Variants in GABPB2 observed in about 807,000 individuals in gnomAD.
The protein encoded by GABPB2 is GA-binding protein subunit beta-2.
A neutral mutation model predicts 39.1 loss-of-function variants in GABPB2; 23 were observed. The ratio of observed to expected loss-of-function variants is 0.59; its 90% confidence interval spans 0.42 to 0.83. The LOEUF is 0.83. GABPB2 is among the 40% of genes least tolerant of loss of function. GABPB2 has a pLI of 0.00. For synonymous variants in GABPB2, 184 were observed against 199.3 expected, an observed-to-expected ratio of 0.92 and a Z score of 0.65; for missense variants, 467 against 541.1, an observed-to-expected ratio of 0.86 and a Z score of 1.36.
chr1:151,087,553 A>G (rs1678308535), intron 1 of GABPB2, among the ~76,000 whole-genome samples: 2 of 152,060 alleles, frequency 1.3e-5, no homozygotes, highest in Non-Finnish European at 2.9e-5. Context: ...AGGCTTAGGC[A>G]GGAGAATTGC....
rs60696621 is a variant in GABPB2, at chr1:151,108,298, T to C, written c.922+1076T>C. Among the ~76,000 whole-genome samples, 625 of 152,186 alleles carry C rather than the reference T, an allele frequency of 4.1e-3. 9 individuals are homozygous for C. The highest frequency in any genetic ancestry group is 0.014 in the African/African-American group (598 of 41,520). ...AATTCTTGTGCCTCAGCCTCCTGAG[T>C]AGCTGGGACTATAGGCGCACACCAA... On this transcript the variant is annotated intron_variant, in intron 7 of 8. Coordinates refer to ENST00000368918, the MANE Select transcript of GABPB2 (RefSeq NM_144618.3).
Position 151,084,927 on chromosome 1 carries a change from C to G in GABPB2, c.1-3263C>G, listed in dbSNP as rs143230804. Among the ~76,000 whole-genome samples the G allele has an allele frequency of 5.6e-3, 857 of 152,000 alleles. 10 individuals carry two copies. The highest frequency in any genetic ancestry group is 0.017 in the African/African-American group (689 of 41,432). On this transcript the variant is annotated intron_variant, in intron 1 of 8. Transcript: ENST00000368918. Reference sequence around the variant, plus strand: ...ATAAAAGTGATGTTGCAGACTCTGTCTCTACAAAAAATTTAAAAAAAAATT... The same window carrying G: ...ATAAAAGTGATGTTGCAGACTCTGTGTCTACAAAAAATTTAAAAAAAAATT...
intron 4 of GABPB2, among the ~76,000 whole-genome samples, chr1:151,096,164 C>T (rs902665096): frequency 2.0e-5 from 3 of 152,030 alleles, no homozygotes; most frequent in African/African-American, 7.2e-5. Context: ...TGGCTCATGC[C>T]TGTAATCCTA....
At chr1:151,103,142 C>T (rs967120949) in intron 5 of GABPB2, among the ~76,000 whole-genome samples, 6 of 150,868 alleles carry the variant, frequency 4.0e-5, no homozygotes, top group Admixed American at 2.7e-4. Context: ...CTCTGGCTCC[C>T]GGGTTCATGC....
intron 7 of GABPB2, 76 bp from the exon 8 acceptor site, chr1:151,117,316 T>C (rs1302030121): frequency 4.1e-6 from 6 of 1,478,198 alleles, no homozygotes. Context: ...TAGTTTATTT[T>C]CTAATTAAAA....
In GABPB2 at chr1:151,075,563, C is replaced by CAAA. The variant is rs35110350; in HGVS notation, c.-1+4654_-1+4656dup. Among the ~76,000 whole-genome samples the CAAA allele has an allele frequency of 8.7e-3, 385 of 44,240 alleles. 21 individuals carry two copies. The highest frequency in any genetic ancestry group is 0.031 in the African/African-American group (336 of 10,674). 29.0% of individuals were successfully genotyped at this position (44,240 alleles called of 152,430 possible). ...TGGGCGACAGAGCGAGACTTTGTCTCAAAAAAAAAAAAAAAAAAAAAAAAA... is the reference window on the plus strand; with the variant it reads ...TGGGCGACAGAGCGAGACTTTGTCTCAAAAAAAAAAAAAAAAAAAAAAAAAAAA... On this transcript the variant is annotated intron_variant, in intron 1 of 8. Transcript: ENST00000368918.
intron 7 of GABPB2, among the ~76,000 whole-genome samples, chr1:151,114,462 G>T (rs2101570605): frequency 6.6e-6 from 1 of 152,304 alleles, no homozygotes; most frequent in Middle Eastern, 3.4e-3. Flanking sequence ...CACTTTGGGA[G>T]GCCGAGGTGG....
chr1:151,090,616 T>A, intron 3 of GABPB2, 43 bp downstream of exon 3: 2 of 1,584,148 alleles, frequency 1.3e-6, no homozygotes, highest in Non-Finnish European at 1.7e-6. Flanking sequence ...TAAAAAGGCA[T>A]CCACTTTCCT....
chr1:151,084,362 A>G (rs1233705828), intron 1 of GABPB2, among the ~76,000 whole-genome samples: 7 of 151,122 alleles, frequency 4.6e-5, no homozygotes, highest in Non-Finnish European at 7.4e-5. Context: ...AGCTGGGATT[A>G]CAGGCATGCG....
At chr1:151,098,087 T>C in intron 5 of GABPB2, 85 bp downstream of exon 5, 1 of 1,085,404 alleles carries the variant, frequency 9.2e-7, no homozygotes, top group Non-Finnish European at 1.4e-6. Flanking sequence ...GGATACCCTT[T>C]CTAATACTCC....
At chr1:151,110,005 ATTTTTTTTTTTT>A (rs71577269) in intron 7 of GABPB2, among the ~76,000 whole-genome samples, 18 of 60,704 alleles carry the variant, frequency 3.0e-4, no homozygotes, top group East Asian at 2.2e-3. Flanking sequence ...TGCCCAGCTA[ATTTTTTTTTTTT>A]TTTTTTTTTT....
intron 5 of GABPB2, among the ~76,000 whole-genome samples, chr1:151,102,228 G>A (rs200423704): frequency 1.3e-5 from 2 of 152,250 alleles, no homozygotes; most frequent in East Asian, 3.9e-4. Context: ...GGCTGAGATA[G>A]GAGAAGCGCT....
At chr1:151,089,809 T>C (rs1380017126) in intron 2 of GABPB2, among the ~76,000 whole-genome samples, 1 of 152,158 alleles carries the variant, frequency 6.6e-6, no homozygotes, top group Non-Finnish European at 1.5e-5. Flanking sequence ...TTTTGTTTGT[T>C]TTAACCTTCT....
chr1:151,089,176 A>G (rs902181529), intron 2 of GABPB2, among the ~76,000 whole-genome samples: 9 of 152,174 alleles, frequency 5.9e-5, no homozygotes, highest in African/African-American at 2.2e-4. Flanking sequence ...TAATTTTAAC[A>G]ATTTCAATGA....
chr1:151,118,073 G>C lies in GABPB2; in HGVS notation c.1164G>C (p.Lys388Asn). 6.2e-7 allele frequency: 1 copy of C among 1,614,196 alleles called. No homozygotes were observed. The highest frequency in any genetic ancestry group is 8.5e-7 in the Non-Finnish European group (1 of 1,180,034). Residue 388 changes from lysine (K) to asparagine (N), a missense_variant, in exon 9 of 9, where the codon AAG becomes AAC. Lys to Asn is a moderately conservative substitution (Grantham distance 94). Transcript: ENST00000368918. ...KEQEAEQYRL[K>N]LEAIARQQPN... ...AGGAAGCAGAACAGTACCGTCTTAA[G>C]CTGGAGGCCATAGCCCGACAGCAGC...
In GABPB2 at chr1:151,107,046, A is replaced by C; in HGVS notation, c.746A>C (p.Glu249Ala). 1 of 1,603,052 alleles carries C rather than the reference A, an allele frequency of 6.2e-7. No individual in the cohort carries two copies. The highest frequency in any genetic ancestry group is 8.5e-7 in the Non-Finnish European group (1 of 1,176,348). ...SNSHRATANT[E>A]EIIEGNSVDS... ...CTTTTGTCATCTCTAGCCAATACAGAGGAAATTATAGAAGGAAATTCCGTT... is the reference window on the plus strand; with the variant it reads ...CTTTTGTCATCTCTAGCCAATACAGCGGAAATTATAGAAGGAAATTCCGTT... The change falls in exon 7 of 9, where the codon GAG (glutamate) becomes GCG (alanine). Residue 249 changes from glutamate (E) to alanine (A), a missense_variant. Transcript: ENST00000368918.
intron 2 of GABPB2, among the ~76,000 whole-genome samples, chr1:151,089,311 T>A (rs865984527): frequency 1.9e-4 from 29 of 152,162 alleles, no homozygotes; most frequent in Non-Finnish European, 3.7e-4. Flanking sequence ...AAGAACAATG[T>A]GAATTAAATT....
intron 1 of GABPB2, among the ~76,000 whole-genome samples, chr1:151,078,124 T>C (rs1425003130): frequency 6.7e-6 from 1 of 148,842 alleles, no homozygotes; most frequent in Non-Finnish European, 1.5e-5. Flanking sequence ...TACAAAATTA[T>C]CCAGTTGTGG....
At chr1:151,107,314 A>T in intron 7 of GABPB2, 92 bp downstream of exon 7, 8 of 764,858 alleles carry the variant, frequency 1.0e-5, no homozygotes, top group Non-Finnish European at 8.9e-6. Flanking sequence ...AAATAGTGGA[A>T]GTGGGAGATT....
Sources: allele counts gnomAD v4.1 joint callset (sites outside exome capture counted in the v4.1 genomes callset), GRCh38; gene constraint gnomAD v4.1.1; transcripts MANE v1.5; gene names NCBI Gene and HGNC (gene_info 2026-07-23, HGNC 2026-07-21).